The following PIK3C2B variants were observed in gnomAD, a reference collection of about 807,000 sequenced individuals.
The protein encoded by PIK3C2B is phosphatidylinositol 4-phosphate 3-kinase C2 domain-containing subunit beta.
In PIK3C2B, 83 loss-of-function variants were observed where a neutral mutation model predicts 184.3. That is an observed-to-expected ratio of 0.45 (90% confidence interval 0.38 to 0.54). The LOEUF (loss-of-function observed/expected upper bound fraction) is 0.54. Ranked by LOEUF, PIK3C2B falls within the 20% of genes least tolerant of loss-of-function variation. PIK3C2B has a pLI of 0.00. For missense variants in PIK3C2B, 1,736 were observed against 2,113.5 expected, an observed-to-expected ratio of 0.82 and a Z score of 3.50; for synonymous variants, 779 against 837.6, an observed-to-expected ratio of 0.93 and a Z score of 1.21.
chr1:204,447,199 T>G lies in PIK3C2B; in HGVS notation c.2489+237A>C, dbSNP rs1653952417. ...GCTCTGGTCCTCCTGGGTAGCTGAG[T>G]CTGGACCAAGTCCCTGGGGTGGGGA... On this transcript the variant is annotated intron_variant, in intron 15 of 32. Transcript: ENST00000684373. This position sits in a 1 kb window ranked among gnomAD's most constrained non-coding sequence, Gnocchi z 4.1. Among the ~76,000 whole-genome samples the G allele has an allele frequency of 6.6e-6, 1 of 151,978 alleles. No individual in the cohort carries two copies. The highest frequency in any genetic ancestry group is 2.1e-4 in the South Asian group (1 of 4,822).
At chr1:204,456,986 CTG>C (rs1374907659) in intron 10 of PIK3C2B, 49 bp downstream of exon 10, 11 of 1,506,306 alleles carry the variant, frequency 7.3e-6, no homozygotes, top group Non-Finnish European at 9.0e-6. Flanking sequence ...GGGGCAGAGA[CTG>C]CAGTTTTCGG....
At position 204,433,333 on chromosome 1, in the gene PIK3C2B, G is replaced by A; in HGVS notation, c.3936C>T (p.Ala1312=). The part of the protein sequence containing the change: ...ALRPQDTEAN[A]TTYFTRLIES... ...CATTTTACCTAGTGAAGTAGGTAGT[G>A]GCATTGGCCTCTGTATCCTGAGGCC... Residue 1312 remains alanine (A), a synonymous_variant, in exon 26 of 33, where the codon GCC becomes GCT. Coordinates refer to ENST00000684373, the MANE Select transcript of PIK3C2B (RefSeq NM_001377334.1). This position sits in a 1 kb window ranked among gnomAD's most constrained non-coding sequence, Gnocchi z 5.0. 6.3e-7 allele frequency: 1 copy of A among 1,585,754 alleles called. No homozygotes were observed. The highest frequency in any genetic ancestry group is 8.7e-7 in the Non-Finnish European group (1 of 1,154,248).
chr1:204,486,473 G>C (rs1385715890), intron 1 of PIK3C2B, among the ~76,000 whole-genome samples: 2 of 151,788 alleles, frequency 1.3e-5, no homozygotes, highest in Admixed American at 1.3e-4. Flanking sequence ...GCTCATGCCT[G>C]TAATTCCAGC....
At chr1:204,450,079 C>A in intron 12 of PIK3C2B, 62 bp from the exon 13 acceptor site, 1 of 1,405,968 alleles carries the variant, frequency 7.1e-7, no homozygotes, top group Non-Finnish European at 9.6e-7. Flanking sequence ...CAACAGGTGG[C>A]CCAGGAAGTC....
At chr1:204,445,340 C>T (rs947391836) in intron 16 of PIK3C2B, among the ~76,000 whole-genome samples, 20 of 152,006 alleles carry the variant, frequency 1.3e-4, no homozygotes, top group African/African-American at 4.6e-4. Flanking sequence ...CACCTATAAT[C>T]CCAGCATTTT....
chr1:204,455,929 C>A lies in PIK3C2B; in HGVS notation c.1870G>T (p.Ala624Ser). ...GCCAGGGACCTGGCGAAATGGCAGG[C>A]CTCCTGGACCAGGTCATGCTTGCGG... ...GSRKHDLVQE[A>S]CHFARSLAFT... Residue 624 changes from alanine (A) to serine (S), a missense_variant, in exon 11 of 33, where the codon GCC becomes TCC. This residue lies in a region of PIK3C2B where 609 missense variants were observed against 699.2 expected (regional missense o/e 0.87). Transcript: ENST00000684373. The A allele has an allele frequency of 6.2e-7, 1 of 1,614,168 alleles. No homozygotes were observed. The highest frequency in any genetic ancestry group is 8.5e-7 in the Non-Finnish European group (1 of 1,180,002).
chr1:204,470,439 AT>A (rs1441142062), intron 1 of PIK3C2B, among the ~76,000 whole-genome samples: 1 of 152,214 alleles, frequency 6.6e-6, no homozygotes, highest in African/African-American at 2.4e-5. Context: ...AAGTGTTGGG[AT>A]TACAGGCGTG....
chr1:204,455,827 C>A lies in PIK3C2B; in HGVS notation c.1943+29G>T, dbSNP rs750330137. ...TGGTGGAGGTCAAACTCAGCTTGCTCCCTAGCGGCTACTCAGCCCTGGGCT... is the reference window on the plus strand; with the variant it reads ...TGGTGGAGGTCAAACTCAGCTTGCTACCTAGCGGCTACTCAGCCCTGGGCT... On this transcript the variant is annotated intron_variant, in intron 11 of 32. Transcript: ENST00000684373. The A allele has an allele frequency of 3.8e-6, 6 of 1,573,658 alleles. No homozygotes were observed. The East Asian group carries it at 1.1e-4, about 30-fold the overall frequency.
chr1:204,466,325 C>T (rs1465560739), intron 2 of PIK3C2B, among the ~76,000 whole-genome samples: 1 of 152,354 alleles, frequency 6.6e-6, no homozygotes, highest in South Asian at 2.1e-4. Flanking sequence ...CACATAGCAA[C>T]GCCTCACATC....
At chr1:204,480,990 A>G (rs910087675) in intron 1 of PIK3C2B, among the ~76,000 whole-genome samples, 20 of 152,156 alleles carry the variant, frequency 1.3e-4, no homozygotes, top group African/African-American at 4.8e-4. Flanking sequence ...TCCCTAATAG[A>G]TTACAGTCAC....
intron 12 of PIK3C2B, 68 bp downstream of exon 12, chr1:204,454,601 C>A: frequency 6.4e-7 from 1 of 1,563,792 alleles, no homozygotes; most frequent in Non-Finnish European, 8.7e-7. Context: ...TATCTGGCCC[C>A]AGGGATATTT....
chr1:204,465,652 C>T (rs188051757), intron 2 of PIK3C2B, among the ~76,000 whole-genome samples: 30 of 151,312 alleles, frequency 2.0e-4, no homozygotes, highest in African/African-American at 5.6e-4. Context: ...ACGGGCTTTC[C>T]GGGGGATTCT....
chr1:204,466,895 G>A (rs763179703), intron 2 of PIK3C2B: 9 of 533,102 alleles, frequency 1.7e-5, no homozygotes, highest in African/African-American at 5.8e-5. Flanking sequence ...AGCTGGCTCC[G>A]CTGGCCTGGG....
At chr1:204,432,557 G>T (rs1006299214) in intron 26 of PIK3C2B, among the ~76,000 whole-genome samples, 156 bp from the exon 27 acceptor site, 2 of 152,032 alleles carry the variant, frequency 1.3e-5, no homozygotes, top group African/African-American at 2.4e-5. Flanking sequence ...CAAATGACTG[G>T]CACACAATAA....
intron 8 of PIK3C2B, among the ~76,000 whole-genome samples, chr1:204,458,442 G>A (rs747604787): frequency 1.3e-5 from 2 of 151,094 alleles, no homozygotes; most frequent in African/African-American, 4.9e-5. Flanking sequence ...ATAGCTTTGT[G>A]TTACTATTCA....
intron 13 of PIK3C2B, 110 bp from the exon 14 acceptor site, chr1:204,449,406 C>G (rs1338408256): frequency 1.3e-6 from 1 of 782,442 alleles, no homozygotes; most frequent in African/African-American, 1.7e-5. Flanking sequence ...CATCATCCAA[C>G]TCCCCTCTCA....
chr1:204,450,109 G>A, intron 12 of PIK3C2B, 92 bp from the exon 13 acceptor site: 7 of 1,064,864 alleles, frequency 6.6e-6, no homozygotes, highest in Middle Eastern at 2.1e-4. Context: ...CTGAGGCTGA[G>A]GATACAGCCT....
chr1:204,459,520 G>C (rs1158445114), intron 8 of PIK3C2B, among the ~76,000 whole-genome samples: 2 of 152,208 alleles, frequency 1.3e-5, no homozygotes, highest in Non-Finnish European at 2.9e-5. Flanking sequence ...CAAACTGGAG[G>C]TTTCTGACAT....
In PIK3C2B at chr1:204,469,040, C is replaced by T; in HGVS notation, c.763G>A (p.Gly255Ser). ...DAEMLRDATR[G>S]WKEGRGPLDF... ...AGCGGCCCTCGGCCCTCCTTCCAGC[C>T]CCTGGTGGCATCCCGCAACATCTCC... Residue 255 changes from glycine (G) to serine (S), a missense_variant, in exon 2 of 33, where the codon GGC becomes AGC. Physicochemically the swap from Gly to Ser is moderately conservative, Grantham distance 56 (BLOSUM62 0). Transcript: ENST00000684373. 1 of 1,614,218 alleles carries T rather than the reference C, an allele frequency of 6.2e-7. No homozygotes were observed. Among genetic ancestry groups the T allele is most frequent in the Non-Finnish European group, 8.5e-7 (1 of 1,180,046 alleles).
Sources: gnomAD v4.1 joint callset for allele counts (sites outside exome capture counted in the v4.1 genomes callset) on GRCh38, gnomAD v4.1.1 for gene constraint, gnomAD v4.1.1 regional missense constraint, Gnocchi (gnomAD v3.1) non-coding constraint, MANE v1.5 for transcripts, NCBI Gene and HGNC (gene_info 2026-07-23, HGNC 2026-07-21) for gene names.